The following ZNF526 variants were observed in gnomAD, a reference collection of about 807,000 sequenced individuals.
ZNF526 encodes zinc finger protein 526.
ZNF526 carries 16 observed loss-of-function variants against 32.4 expected under a neutral mutation model. The observed-to-expected ratio is 0.49, with a 90% CI of 0.33 to 0.75. The LOEUF is 0.75. ZNF526 is among the 30% of genes least tolerant of loss of function. The pLI, the probability that ZNF526 is intolerant of heterozygous loss-of-function variation, is 0.02. For synonymous variants in ZNF526, 355 were observed against 363.4 expected, an observed-to-expected ratio of 0.98 and a Z score of 0.26; for missense variants, 838 against 920.7, an observed-to-expected ratio of 0.91 and a Z score of 1.16.
chr19:42,228,095 C>T lies in ZNF526; in HGVS notation c.*1679C>T, dbSNP rs1242120463. ...CCAGTATTCCCAGCTACTCTGGAGG[C>T]TGAGGCGGAGGCAGGATTGCTTGAT... On this transcript the variant is annotated 3_prime_UTR_variant, in exon 3 of 3. Coordinates refer to ENST00000301215, the MANE Select transcript of ZNF526 (RefSeq NM_133444.3). 1 of 151,684 alleles carries T rather than the reference C, an allele frequency of 6.6e-6. No homozygotes were observed. The highest frequency in any genetic ancestry group is 1.5e-5 in the Non-Finnish European group (1 of 67,998). The allele number at this position is 151,684 out of a possible 1,614,324, so 9.4% of individuals were successfully genotyped here. A position where few individuals can be genotyped will look rare whatever the true frequency, so the allele number is the denominator to read the frequency against.
chr19:42,225,669 T>A lies in ZNF526; in HGVS notation c.1266T>A (p.Ala422=). 2 of 1,612,730 alleles carry A rather than the reference T, an allele frequency of 1.2e-6. No individual in the cohort carries two copies. Among genetic ancestry groups the A allele is most frequent in the Non-Finnish European group, 1.7e-6 (2 of 1,179,532 alleles). The change falls in exon 3 of 3, where the codon GCT becomes GCA. Residue 422 remains alanine (A), a synonymous_variant. Transcript: ENST00000301215. ...GGGCACCTCCCACAGGAGCAACAGC[T>A]CCCCCAGCTCCAGCGGAGCCCACCC... ...KSGAPPTGAT[A]PPAPAEPTPP...
In ZNF526 at chr19:42,225,934, T is replaced by G. The variant is rs745406907; in HGVS notation, c.1531T>G (p.Ser511Ala). The change falls in exon 3 of 3, where the codon TCT (serine) becomes GCT (alanine). Residue 511 changes from serine to alanine, a missense_variant. Coordinates refer to ENST00000301215, the MANE Select transcript of ZNF526 (RefSeq NM_133444.3). ...QCHSCGKTFA[S>A]LANLSRHQLT... The stretch of plus-strand genomic sequence containing the variant: ...CCACTCATGTGGCAAGACCTTTGCT[T>G]CTTTGGCCAACCTCAGCCGCCACCA... The G allele has an allele frequency of 1.6e-5, 26 of 1,614,020 alleles. No homozygotes were observed. Among genetic ancestry groups the G allele is most frequent in the South Asian group, 9.9e-5 (9 of 91,094 alleles).
At chr19:42,223,973 A>AT (rs2036146349) in intron 1 of ZNF526, among the ~76,000 whole-genome samples, 3 of 117,378 alleles carry the variant, frequency 2.6e-5, no homozygotes, top group Admixed American at 9.3e-5. Context: ...GTCTCTACTA[A>AT]AATATATATA....
At position 42,226,363 on chromosome 19, in the gene ZNF526, C is replaced by A; in HGVS notation, c.1960C>A (p.Leu654Met). ...CACCCTGCAGCTGTGCCAGGCTGCA[C>A]TGGGGGCCAGTGAAGCAGGCGGGCT... ...EDTLQLCQAA[L>M]GASEAGGLLQ... Residue 654 changes from leucine to methionine, a missense_variant, in exon 3 of 3, where the codon CTG (leucine) becomes ATG (methionine). Leu to Met is a conservative substitution (Grantham distance 15). Coordinates refer to ENST00000301215, the MANE Select transcript of ZNF526 (RefSeq NM_133444.3). The A allele has an allele frequency of 6.2e-7, 1 of 1,614,258 alleles. No individual in the cohort carries two copies. The highest frequency in any genetic ancestry group is 1.1e-5 in the South Asian group (1 of 91,090).
chr19:42,226,350 G>A lies in ZNF526; in HGVS notation c.1947G>A (p.Leu649=), dbSNP rs1291618261. ...TGGCGCTTGAGGACACCCTGCAGCTGTGCCAGGCTGCACTGGGGGCCAGTG... is the reference window on the plus strand; with the variant it reads ...TGGCGCTTGAGGACACCCTGCAGCTATGCCAGGCTGCACTGGGGGCCAGTG... ...QPLALEDTLQ[L]CQAALGASEA... Residue 649 remains leucine (L), a synonymous_variant, in exon 3 of 3, where the codon CTG becomes CTA. Transcript: ENST00000301215. 8 of 1,614,100 alleles carry A rather than the reference G, an allele frequency of 5.0e-6. No homozygotes were observed. The highest frequency in any genetic ancestry group is 6.8e-6 in the Non-Finnish European group (8 of 1,180,040).
At position 42,224,272 on chromosome 19, in the gene ZNF526, A is replaced by C; in HGVS notation, c.-51A>C. On this transcript the variant is annotated 5_prime_UTR_variant, in exon 2 of 3. Coordinates refer to ENST00000301215, the MANE Select transcript of ZNF526 (RefSeq NM_133444.3). ...ATGGGATCACGGAAGACTGAAGCAG[A>C]AACAGTGGATTAAGACTTCCTGAGC... 1 of 789,112 alleles carries C rather than the reference A, an allele frequency of 1.3e-6. No individual in the cohort carries two copies. Among genetic ancestry groups the C allele is most frequent in the Non-Finnish European group, 2.2e-6 (1 of 464,322 alleles). 48.9% of individuals were successfully genotyped at this position (789,112 alleles called of 1,614,324 possible). A position where few individuals can be genotyped will look rare whatever the true frequency, so the allele number is the denominator to read the frequency against.
chr19:42,228,191 C>T lies in ZNF526; in HGVS notation c.*1775C>T, dbSNP rs2036197817. The stretch of plus-strand genomic sequence containing the variant: ...CTCCAGTCTGGGCAACAGTGCAAGA[C>T]CCTGTCACTTAAAAAAAAAAAAAAG... On this transcript the variant is annotated 3_prime_UTR_variant, in exon 3 of 3. Transcript: ENST00000301215. 1 of 149,792 alleles carries T rather than the reference C, an allele frequency of 6.7e-6. No homozygotes were observed. Among genetic ancestry groups the T allele is most frequent in the Non-Finnish European group, 1.5e-5 (1 of 67,762 alleles). 9.3% of individuals were successfully genotyped at this position (149,792 alleles called of 1,614,324 possible). A position where few individuals can be genotyped will look rare whatever the true frequency, so the allele number is the denominator to read the frequency against.
intron 1 of ZNF526, among the ~76,000 whole-genome samples, chr19:42,222,163 T>C (rs1261280546): frequency 1.3e-5 from 2 of 151,592 alleles, no homozygotes; most frequent in Non-Finnish European, 2.9e-5. Flanking sequence ...CTCAGCTCAC[T>C]GCAACCTCCG....
Position 42,224,941 on chromosome 19 carries a change from C to A in ZNF526, c.538C>A (p.Pro180Thr). 6.2e-7 allele frequency: 1 copy of A among 1,614,196 alleles called. No individual in the cohort carries two copies. Among genetic ancestry groups the A allele is most frequent in the East Asian group, 2.2e-5 (1 of 44,886 alleles). The part of the protein sequence containing the change: ...EPPVPPPLPP[P>T]TPLPPPSPPS... Reference sequence around the variant, plus strand: ...ACCAGTGCCACCTCCTTTGCCTCCCCCAACACCACTGCCTCCACCTTCTCC... The same window carrying A: ...ACCAGTGCCACCTCCTTTGCCTCCCACAACACCACTGCCTCCACCTTCTCC... The change falls in exon 3 of 3, where the codon CCA becomes ACA. Residue 180 changes from proline (P) to threonine (T), a missense_variant. Coordinates refer to ENST00000301215, the MANE Select transcript of ZNF526 (RefSeq NM_133444.3).
At position 42,227,571 on chromosome 19, in the gene ZNF526, A is replaced by G. The variant is rs536769938; in HGVS notation, c.*1155A>G. 6.2e-6 allele frequency: 1 copy of G among 160,360 alleles called. No homozygotes were observed. Among genetic ancestry groups the G allele is most frequent in the African/African-American group, 2.4e-5 (1 of 41,546 alleles). The allele number at this position is 160,360 out of a possible 1,614,324, so 9.9% of individuals were successfully genotyped here. On this transcript the variant is annotated 3_prime_UTR_variant, in exon 3 of 3. Coordinates refer to ENST00000301215, the MANE Select transcript of ZNF526 (RefSeq NM_133444.3). ...CAGGAGATCGAGACCATCCTGGCTA[A>G]CACGGTGAAACCCCGTCTCTACTAA... is the stretch of plus-strand genomic sequence containing the variant.
chr19:42,223,511 G>A (rs533025783), intron 1 of ZNF526, among the ~76,000 whole-genome samples: 1 of 152,254 alleles, frequency 6.6e-6, no homozygotes, highest in African/African-American at 2.4e-5. Flanking sequence ...CGTGGTTGCA[G>A]GCGCCTGTAG....
rs754768002 is a variant in ZNF526 at position 42,225,541 on chromosome 19, C to T, written c.1138C>T (p.Arg380Trp). ...GTELTLVAHRRAHTANPLHRC... is the reference protein window; with the variant it reads ...GTELTLVAHRWAHTANPLHRC... ...AGAACTCACGTTGGTGGCTCACCGG[C>T]GGGCCCACACTGCCAACCCATTGCA... Residue 380 changes from arginine (R) to tryptophan (W), a missense_variant, in exon 3 of 3, where the codon CGG (arginine) becomes TGG (tryptophan). Arg to Trp is a moderately radical substitution (Grantham distance 101, BLOSUM62 -3). Transcript: ENST00000301215. 27 of 1,611,270 alleles carry T rather than the reference C, an allele frequency of 1.7e-5. No homozygotes were observed. The highest frequency in any genetic ancestry group is 4.5e-5 in the East Asian group (2 of 44,794).
chr19:42,224,652 C>A lies in ZNF526; in HGVS notation c.249C>A (p.Val83=), dbSNP rs1165285398. 5 of 1,614,106 alleles carry A rather than the reference C, an allele frequency of 3.1e-6. No homozygotes were observed. The highest frequency in any genetic ancestry group is 1.7e-5 in the Admixed American group (1 of 60,004). ...LSHQEQHMLA[V]SEEEALTTQN... is the part of the protein sequence containing the mutation. ...ACCAGGAGCAGCACATGCTTGCTGT[C>A]TCAGAGGAGGAGGCACTGACCACAC... The change falls in exon 3 of 3, where the codon GTC becomes GTA. Residue 83 remains valine (V), a synonymous_variant. Transcript: ENST00000301215.
At position 42,225,729 on chromosome 19, in the gene ZNF526, G is replaced by T; in HGVS notation, c.1326G>T (p.Leu442=). The change falls in exon 3 of 3, where the codon CTG becomes CTT. Residue 442 remains leucine, a synonymous_variant. Transcript: ENST00000301215. The part of the protein sequence containing the change: ...PPPPPAPPAQ[L]PCPQCSKSFA... ...CACCCCCTGCCCCACCTGCCCAGCT[G>T]CCCTGCCCACAGTGCTCCAAGTCCT... is the stretch of plus-strand genomic sequence containing the variant. The T allele has an allele frequency of 3.1e-6, 5 of 1,601,410 alleles. No homozygotes were observed. The highest frequency in any genetic ancestry group is 4.3e-6 in the Non-Finnish European group (5 of 1,176,260).
In ZNF526 at chr19:42,225,679, C is replaced by G. The variant is rs759256973; in HGVS notation, c.1276C>G (p.Pro426Ala). The G allele has an allele frequency of 5.0e-6, 8 of 1,612,392 alleles. No homozygotes were observed. The highest frequency in any genetic ancestry group is 1.3e-5 in the African/African-American group (1 of 74,918). Residue 426 changes from proline (P) to alanine (A), a missense_variant, in exon 3 of 3, where the codon CCA becomes GCA. Pro to Ala is a conservative substitution (Grantham distance 27). Coordinates refer to ENST00000301215, the MANE Select transcript of ZNF526 (RefSeq NM_133444.3). ...PPTGATAPPA[P>A]AEPTPPPPPP... ...CACAGGAGCAACAGCTCCCCCAGCT[C>G]CAGCGGAGCCCACCCCTCCACCACC...
chr19:42,224,838 C>T lies in ZNF526; in HGVS notation c.435C>T (p.Cys145=), dbSNP rs2036157276. ...AGATCCAATACCAGTGCTGGGACTG[C>T]CAGGAGCTGTTCCCCTCGCCCGAGC... ...ANQIQYQCWD[C]QELFPSPELW... The change falls in exon 3 of 3, where the codon TGC becomes TGT. Residue 145 remains cysteine (C), a synonymous_variant. Coordinates refer to ENST00000301215, the MANE Select transcript of ZNF526 (RefSeq NM_133444.3). The T allele has an allele frequency of 6.2e-7, 1 of 1,613,790 alleles. No individual in the cohort carries two copies. Among genetic ancestry groups the T allele is most frequent in the African/African-American group, 1.3e-5 (1 of 74,898 alleles).
At position 42,224,495 on chromosome 19, in the gene ZNF526, T is replaced by C; in HGVS notation, c.92T>C (p.Met31Thr). The C allele has an allele frequency of 6.2e-7, 1 of 1,613,778 alleles. No homozygotes were observed. The highest frequency in any genetic ancestry group is 1.3e-5 in the African/African-American group (1 of 74,984). ...EMSTPMSAEM[M>T]EMSTEVTEMT... ...TCAACACCTATGTCGGCAGAGATGA[T>C]GGAGATGTCAACAGAAGTGACTGAG... The change falls in exon 3 of 3, where the codon ATG becomes ACG. Residue 31 changes from methionine (M) to threonine (T), a missense_variant. Physicochemically the swap from Met to Thr is moderately conservative, Grantham distance 81. Transcript: ENST00000301215.
intron 2 of ZNF526, 34 bp downstream of exon 2, chr19:42,224,339 C>T: frequency 1.4e-6 from 2 of 1,415,186 alleles, no homozygotes; most frequent in Non-Finnish European, 2.0e-6. Context: ...AATTCCACCT[C>T]CCCTTGGTTT....
At chr19:42,223,097 T>C (rs940846872) in intron 1 of ZNF526, among the ~76,000 whole-genome samples, 1 of 152,194 alleles carries the variant, frequency 6.6e-6, no homozygotes, top group Non-Finnish European at 1.5e-5. Flanking sequence ...CACTTGGGTG[T>C]ATCTGTGTGT....
Sources: gnomAD v4.1 joint callset for allele counts (sites outside exome capture counted in the v4.1 genomes callset) on GRCh38, gnomAD v4.1.1 for gene constraint, MANE v1.5 for transcripts, NCBI Gene and HGNC (gene_info 2026-07-23, HGNC 2026-07-21) for gene names.